ZNF469: variants seen among roughly 807,000 people sequenced by gnomAD.
ZNF469 encodes zinc finger protein 469.
Under a neutral mutation model 1.0 loss-of-function variants are expected in ZNF469, and 1 was observed. The ratio of observed to expected loss-of-function variants is 1.00; its 90% confidence interval spans 0.35 to 4.73. The LOEUF is 4.73. Among genes scored for constraint, ZNF469 ranks in the 30% most tolerant of loss-of-function variants. ZNF469 has a pLI of 0.16. For missense variants in ZNF469, 6,100 were observed against 5,356.3 expected, an observed-to-expected ratio of 1.14 and a Z score of -4.33; for synonymous variants, 2,703 against 2,363.4, an observed-to-expected ratio of 1.14 and a Z score of -4.17.
the ZNF469 span, among the ~76,000 whole-genome samples, chr16:88,342,212 G>T: frequency 6.6e-6 from 1 of 152,250 alleles, no homozygotes; most frequent in East Asian, 1.9e-4. Context: ...GTCACTGCTG[G>T]GAAGGTGACT....
At chr16:88,193,312 A>ATGGTGGTAG in the ZNF469 span, among the ~76,000 whole-genome samples, 1 of 125,332 alleles carries the variant, frequency 8.0e-6, no homozygotes, top group Non-Finnish European at 1.8e-5. Context: ...GTTGGTGGTG[A>ATGGTGGTAG]TGGTGATGAT....
At chr16:88,163,960 G>A in the ZNF469 span, among the ~76,000 whole-genome samples, 6 of 150,434 alleles carry the variant, frequency 4.0e-5, no homozygotes, top group African/African-American at 1.5e-4. Flanking sequence ...GGCTGGATGA[G>A]CGGGGTAAGT....
chr16:88,122,191 C>T, the ZNF469 span, among the ~76,000 whole-genome samples: 2 of 147,754 alleles, frequency 1.4e-5, no homozygotes, highest in African/African-American at 4.9e-5. Context: ...GGATTGCATC[C>T]CGTCACTCAA....
At chr16:88,326,582 C>A in the ZNF469 span, among the ~76,000 whole-genome samples, 4 of 152,336 alleles carry the variant, frequency 2.6e-5, no homozygotes, top group South Asian at 6.2e-4. Flanking sequence ...GGGCAGGACA[C>A]CGCATGTTTC....
the ZNF469 span, among the ~76,000 whole-genome samples, chr16:88,324,632 C>T: frequency 2.6e-4 from 39 of 152,348 alleles, no homozygotes; most frequent in African/African-American, 7.7e-4. Flanking sequence ...ACAGGGAGTG[C>T]GCCAGGGTGA....
In ZNF469 at chr16:88,430,564, C is replaced by A. The variant is rs1047137544; in HGVS notation, c.3094C>A (p.Pro1032Thr). The A allele has an allele frequency of 3.8e-5, 57 of 1,488,422 alleles. No homozygotes were observed. The African/African-American group carries it at 7.3e-4, about 19-fold the overall frequency. The allele number at this position is 1,488,422 out of a possible 1,614,324, so 92.2% of individuals were successfully genotyped here. A position where few individuals can be genotyped will look rare whatever the true frequency, so the allele number is the denominator to read the frequency against. The change falls in exon 3 of 3, where the codon CCC (proline) becomes ACC (threonine). Residue 1032 changes from proline to threonine, a missense_variant. Transcript: ENST00000565624. ...CAGCTCCCGGCGCCGCCGGCTGCCC[C>A]CCAGGAAGGACCCCAGGAAGAGGAA... ...TRSSRRRRLPPRKDPRKRKAR... is the reference protein window; with the variant it reads ...TRSSRRRRLPTRKDPRKRKAR...
chr16:88,300,932 G>A, the ZNF469 span, among the ~76,000 whole-genome samples: 1 of 152,068 alleles, frequency 6.6e-6, no homozygotes, highest in African/African-American at 2.4e-5. Flanking sequence ...AATCGTGGGG[G>A]CAGGTGCCTG....
In ZNF469 at chr16:88,434,447, ACTC is replaced by A. The variant is rs1215843229; in HGVS notation, c.6981_6983del (p.Ser2328del). 94 of 1,549,216 alleles carry A rather than the reference ACTC, an allele frequency of 6.1e-5. 1 individual carries two copies. The Middle Eastern group carries it at 1.2e-3, about 19-fold the overall frequency. ...AACCCTGACAGGATGCCCAGGGGCC[ACTC>A]CTCGTATTCTCCAAGCAATACTGCC... On this transcript the variant is annotated inframe_deletion, in exon 3 of 3. Transcript: ENST00000565624.
the ZNF469 span, among the ~76,000 whole-genome samples, chr16:88,258,802 A>G: frequency 0.33 from 50,359 of 151,928 alleles, 8,740 homozygotes; most frequent in Middle Eastern, 0.46. Context: ...GGAGGTGTAC[A>G]AACAGCATCC....
At chr16:88,251,538 CTTTTTTTTTTTTTTTTTTTTT>C in the ZNF469 span, among the ~76,000 whole-genome samples, 3 of 51,290 alleles carry the variant, frequency 5.8e-5, no homozygotes, top group African/African-American at 2.9e-4. Flanking sequence ...TCCCTGCTGT[CTTTTTTTTTTTTTTTTTTTTT>C]TTTTTTTTTT....
At chr16:88,155,601 G>A in the ZNF469 span, among the ~76,000 whole-genome samples, 1 of 152,162 alleles carries the variant, frequency 6.6e-6, no homozygotes, top group Non-Finnish European at 1.5e-5. Context: ...ACTCCAAATG[G>A]CGTTCTCCAT....
rs1207977491 is a variant in ZNF469, at chr16:88,435,140, G to T, written c.7670G>T (p.Gly2557Val). Residue 2557 changes from glycine (G) to valine (V), a missense_variant, in exon 3 of 3, where the codon GGC becomes GTC. Coordinates refer to ENST00000565624, the MANE Select transcript of ZNF469 (RefSeq NM_001367624.2). ...SHVTQPPPAQ[G>V]SKEVLRAPGS... ...GTCACCCAGCCACCGCCTGCCCAGG[G>T]CTCAAAGGAGGTTCTCAGAGCACCG... The T allele has an allele frequency of 6.5e-7, 1 of 1,550,232 alleles. No individual in the cohort carries two copies. The highest frequency in any genetic ancestry group is 8.7e-7 in the Non-Finnish European group (1 of 1,146,982).
At chr16:88,101,136 C>T in the ZNF469 span, among the ~76,000 whole-genome samples, 4 of 152,192 alleles carry the variant, frequency 2.6e-5, no homozygotes, top group African/African-American at 7.2e-5. Context: ...AGTGTTTTCA[C>T]GCAGGCTGGA....
At chr16:88,358,972 T>C in the ZNF469 span, among the ~76,000 whole-genome samples, 2 of 152,202 alleles carry the variant, frequency 1.3e-5, no homozygotes, top group African/African-American at 4.8e-5. Flanking sequence ...GCTGTGGGCT[T>C]CCTTGGACAG....
the ZNF469 span, among the ~76,000 whole-genome samples, chr16:88,180,340 G>A: frequency 6.6e-6 from 1 of 152,172 alleles, no homozygotes; most frequent in East Asian, 1.9e-4. Context: ...AACATAAGTG[G>A]ATTGAAGGTA....
At chr16:88,426,835 C>G (rs996794753) in intron 2 of ZNF469, among the ~76,000 whole-genome samples, 14 of 152,274 alleles carry the variant, frequency 9.2e-5, no homozygotes, top group African/African-American at 3.4e-4. Context: ...GGTTGAGCCT[C>G]TGCTGCCTCA....
At chr16:88,380,548 GACA>G (rs2092519431), upstream of ZNF469, among the ~76,000 whole-genome samples, 1 of 73,006 alleles carries the variant, frequency 1.4e-5, no homozygotes, top group Non-Finnish European at 2.7e-5. Context: ...CACTAACACA[GACA>G]TGCACTCACA....
chr16:88,320,990 G>A, the ZNF469 span, among the ~76,000 whole-genome samples: 1 of 152,256 alleles, frequency 6.6e-6, no homozygotes, highest in South Asian at 2.1e-4. Flanking sequence ...ACAGGCGAAT[G>A]AGACACCGTG....
Position 88,427,481 on chromosome 16 carries a change from A to G in ZNF469, c.11A>G (p.Glu4Gly), listed in dbSNP as rs1905763540. Reference protein sequence around the residue: MPGERPRGAPPPTM... With the variant: MPGGRPRGAPPPTM... ...CAGGACGGAGGGGCCATGCCTGGGG[A>G]GCGCCCCCGAGGAGCGCCGCCCCCC... The change falls in exon 3 of 3, where the codon GAG becomes GGG. Residue 4 changes from glutamate (E) to glycine (G), a missense_variant. Physicochemically the swap from Glu to Gly is moderately conservative, Grantham distance 98 (BLOSUM62 -2). Coordinates refer to ENST00000565624, the MANE Select transcript of ZNF469 (RefSeq NM_001367624.2). 13 of 1,515,330 alleles carry G rather than the reference A, an allele frequency of 8.6e-6. No homozygotes were observed. The highest frequency in any genetic ancestry group is 1.1e-5 in the Non-Finnish European group (12 of 1,134,490). The allele number at this position is 1,515,330 out of a possible 1,614,324, so 93.9% of individuals were successfully genotyped here.
Sources: allele counts gnomAD v4.1 joint callset (sites outside exome capture counted in the v4.1 genomes callset), GRCh38; gene constraint gnomAD v4.1.1; transcripts MANE v1.5; gene names NCBI Gene and HGNC (gene_info 2026-07-23, HGNC 2026-07-21).